Variants in SLC16A7 observed in about 807,000 individuals in gnomAD.
The protein encoded by SLC16A7 is monocarboxylate transporter 2.
Under a neutral mutation model 34.9 loss-of-function variants are expected in SLC16A7, and 33 were observed. That is an observed-to-expected ratio of 0.94 (90% CI 0.72 to 1.26). The LOEUF (loss-of-function observed/expected upper bound fraction) is 1.26, where lower values mean the gene tolerates loss of function less well. Ranked by LOEUF, SLC16A7 falls within the 50% of genes most tolerant of loss-of-function variation. The pLI, the probability that SLC16A7 is intolerant of heterozygous loss-of-function variation, is 0.00. For missense variants in SLC16A7, 573 were observed against 578.1 expected (o/e 0.99, Z 0.09); for synonymous variants, 201 against 206.6 (o/e 0.97, Z 0.23).
intron 2 of SLC16A7, among the ~76,000 whole-genome samples, chr12:59,698,861 CATA>C (rs1395401272): frequency 6.6e-6 from 1 of 151,642 alleles, no homozygotes; most frequent in Non-Finnish European, 1.5e-5. Flanking sequence ...TCAGAAGAAT[CATA>C]ATCCGATTGT....
intron 2 of SLC16A7, among the ~76,000 whole-genome samples, chr12:59,677,223 G>C (rs1592478837): frequency 6.6e-6 from 1 of 152,114 alleles, no homozygotes; most frequent in Non-Finnish European, 1.5e-5. Context: ...GTGTGAAGAG[G>C]TTGGTCCAAT....
At chr12:59,727,764 A>G (rs1037048887) in intron 3 of SLC16A7, among the ~76,000 whole-genome samples, 1 of 152,102 alleles carries the variant, frequency 6.6e-6, no homozygotes, top group Non-Finnish European at 1.5e-5. Context: ...AACTGACAGT[A>G]GTTTAAGTTG....
intron 1 of SLC16A7, among the ~76,000 whole-genome samples, chr12:59,603,455 A>T (rs1252869627): frequency 6.6e-6 from 1 of 152,168 alleles, no homozygotes; most frequent in African/African-American, 2.4e-5. Context: ...ATCTTTGGCC[A>T]TGCTGTTCTT....
At chr12:59,709,719 A>T (rs1354763019) in intron 3 of SLC16A7, among the ~76,000 whole-genome samples, 1 of 151,624 alleles carries the variant, frequency 6.6e-6, no homozygotes, top group Non-Finnish European at 1.5e-5. Context: ...TATCTATGCC[A>T]TGTTAGACTC....
intron 5 of SLC16A7, 61 bp from the exon 6 acceptor site, chr12:59,779,362 A>T (rs1200174876): frequency 7.9e-7 from 1 of 1,263,066 alleles, no homozygotes; most frequent in African/African-American, 1.5e-5. Flanking sequence ...ATTTATTTGA[A>T]TTTTTATCAT....
intron 2 of SLC16A7, among the ~76,000 whole-genome samples, chr12:59,685,271 T>C (rs1488902879): frequency 6.6e-6 from 1 of 152,202 alleles, no homozygotes; most frequent in African/African-American, 2.4e-5. Flanking sequence ...TAACAAATTC[T>C]AAATATAAGG....
rs933132944 is a variant in SLC16A7 at position 59,785,915 on chromosome 12, C to T, written c.*6236C>T. ...ATGGATGAAATTAGAAATCATCATT[C>T]TCAGTAAACTATCGCAAGAACAAAA... On this transcript the variant is annotated 3_prime_UTR_variant, in exon 6 of 6. Coordinates refer to ENST00000547379, the MANE Select transcript of SLC16A7 (RefSeq NM_001270623.2). 3 of 151,298 alleles carry T rather than the reference C, an allele frequency of 2.0e-5. No individual in the cohort carries two copies. The highest frequency in any genetic ancestry group is 4.4e-5 in the Non-Finnish European group (3 of 67,844). The allele number at this position is 151,298 out of a possible 1,614,324, so 9.4% of individuals were successfully genotyped here.
Position 59,617,276 on chromosome 12 carries a change from T to G in SLC16A7, c.-130+21040T>G, listed in dbSNP as rs529895654. On this transcript the variant is annotated intron_variant, in intron 1 of 5. Transcript: ENST00000547379. ...TATGCACCCTTCTCATCCGTTTTAT[T>G]AATATACTCATAAAATCCTACTTGA... is the stretch of plus-strand genomic sequence containing the variant. Among the ~76,000 whole-genome samples, 673 of 152,132 alleles carry G rather than the reference T, an allele frequency of 4.4e-3. 6 individuals are homozygous for G. The highest frequency in any genetic ancestry group is 0.022 in the South Asian group (105 of 4,824).
chr12:59,700,098 C>T (rs1872713581), intron 2 of SLC16A7, among the ~76,000 whole-genome samples: 1 of 151,800 alleles, frequency 6.6e-6, no homozygotes, highest in South Asian at 2.1e-4. Context: ...CAGCGCTATT[C>T]GCTGTAAGTT....
At chr12:59,603,337 T>C (rs1188705793) in intron 1 of SLC16A7, among the ~76,000 whole-genome samples, 1 of 152,178 alleles carries the variant, frequency 6.6e-6, no homozygotes, top group Non-Finnish European at 1.5e-5. Flanking sequence ...CCCTGCATGA[T>C]GTAAGTCCAA....
At chr12:59,740,423 T>G (rs1224099607) in intron 3 of SLC16A7, among the ~76,000 whole-genome samples, 4 of 152,210 alleles carry the variant, frequency 2.6e-5, no homozygotes, top group Admixed American at 2.0e-4. Flanking sequence ...TTGGTACCAG[T>G]ACCATGCTGT....
chr12:59,620,782 G>A (rs1041219297), intron 1 of SLC16A7, among the ~76,000 whole-genome samples: 10 of 151,842 alleles, frequency 6.6e-5, no homozygotes, highest in African/African-American at 2.4e-4. Flanking sequence ...GCATATGGGA[G>A]TATTAATCAG....
chr12:59,632,940 G>C (rs17122757), intron 1 of SLC16A7, among the ~76,000 whole-genome samples: 1 of 151,892 alleles, frequency 6.6e-6, no homozygotes, highest in Non-Finnish European at 1.5e-5. Context: ...TGAGTGTTGC[G>C]TTAGGGAGAA....
rs1463227280 is a variant in SLC16A7, at chr12:59,784,677, A to G, written c.*4998A>G. The G allele has an allele frequency of 3.9e-5, 6 of 152,176 alleles. No individual in the cohort carries two copies. In the South Asian group the frequency reaches 1.0e-3, roughly 26 times the overall value. The allele number at this position is 152,176 out of a possible 1,614,324, so 9.4% of individuals were successfully genotyped here. ...TCTAGACTTTTGCAGTCCTTAGACT[A>G]TAGTTCTCCTTAGCTCTATTCAAAT... On this transcript the variant is annotated 3_prime_UTR_variant, in exon 6 of 6. Coordinates refer to ENST00000547379, the MANE Select transcript of SLC16A7 (RefSeq NM_001270623.2).
At chr12:59,681,378 C>T (rs1268827825) in intron 2 of SLC16A7, among the ~76,000 whole-genome samples, 3 of 152,184 alleles carry the variant, frequency 2.0e-5, no homozygotes, top group East Asian at 1.9e-4. Flanking sequence ...CAAATAAACT[C>T]CTAGGATGTT....
rs144456899 is a variant in SLC16A7 at position 59,669,652 on chromosome 12, TCA to T, written c.-31+14434_-31+14435del. On this transcript the variant is annotated intron_variant, in intron 2 of 5. Transcript: ENST00000547379. ...CTCTTTAGCAGTTACCCATAGATAG[TCA>T]CACACACACACACACACACACACAC... Among the ~76,000 whole-genome samples the T allele has an allele frequency of 4.9e-3, 681 of 139,418 alleles. 9 individuals carry two copies. In the East Asian group the frequency reaches 0.068, roughly 14 times the overall value. The allele number at this position is 139,418 out of a possible 152,430, so 91.5% of individuals were successfully genotyped here. A position where few individuals can be genotyped will look rare whatever the true frequency, so the allele number is the denominator to read the frequency against.
At chr12:59,648,472 C>CT (rs929668048) in intron 1 of SLC16A7, among the ~76,000 whole-genome samples, 2 of 151,912 alleles carry the variant, frequency 1.3e-5, no homozygotes, top group East Asian at 1.9e-4. Context: ...ACATTTAAAC[C>CT]TTTTTTTTCT....
rs559715181 is a variant in SLC16A7, at chr12:59,608,876, G to T, written c.-130+12640G>T. Among the ~76,000 whole-genome samples the T allele has an allele frequency of 1.2e-3, 181 of 152,240 alleles. 1 individual carries two copies. Among genetic ancestry groups the T allele is most frequent in the African/African-American group, 4.0e-3 (166 of 41,560 alleles). On this transcript the variant is annotated intron_variant, in intron 1 of 5. Coordinates refer to ENST00000547379, the MANE Select transcript of SLC16A7 (RefSeq NM_001270623.2). The stretch of plus-strand genomic sequence containing the variant: ...TGGGGAAGAAACACTTCTAAAAAAA[G>T]TGTCACCAACAAATATTTTAAATGC...
intron 1 of SLC16A7, among the ~76,000 whole-genome samples, chr12:59,601,079 G>T (rs1467270555): frequency 1.3e-5 from 2 of 152,224 alleles, no homozygotes. Flanking sequence ...AAAATATTTT[G>T]TGTAAGTGGT....
Sources: gnomAD v4.1 joint callset for allele counts (sites outside exome capture counted in the v4.1 genomes callset) on GRCh38, gnomAD v4.1.1 for gene constraint, MANE v1.5 for transcripts, NCBI Gene and HGNC (gene_info 2026-07-23, HGNC 2026-07-21) for gene names.